The following CD8B2 variants were observed in gnomAD, a reference collection of about 807,000 sequenced individuals.
CD8B2 encodes the protein T-cell surface glycoprotein CD8 beta-2 chain.
A neutral mutation model predicts 23.7 loss-of-function variants in CD8B2; 11 were observed. That is an observed-to-expected ratio of 0.46 (90% confidence interval 0.29 to 0.77). The LOEUF (loss-of-function observed/expected upper bound fraction) is 0.77. Ranked by LOEUF, CD8B2 falls within the 30% of genes least tolerant of loss-of-function variation. The pLI is 0.09. For missense variants in CD8B2, 197 were observed against 270.5 expected, an observed-to-expected ratio of 0.73 and a Z score of 1.91; for synonymous variants, 90 against 109.3, an observed-to-expected ratio of 0.82 and a Z score of 1.10.
At chr2:106,528,996 T>C (rs1679954162) in intron 5 of CD8B2, among the ~76,000 whole-genome samples, 1 of 151,976 alleles carries the variant, frequency 6.6e-6, no homozygotes, top group Non-Finnish European at 1.5e-5. Flanking sequence ...CTGGCAAGGG[T>C]AGAGTGATTT....
chr2:106,505,352 A>G (rs1278419358), intron 5 of CD8B2, among the ~76,000 whole-genome samples: 1 of 152,218 alleles, frequency 6.6e-6, no homozygotes, highest in African/African-American at 2.4e-5. Flanking sequence ...AGGTGGAGAC[A>G]GGGCTGGGTT....
chr2:106,490,461 A>C (rs1183894460), intron 1 of CD8B2, among the ~76,000 whole-genome samples: 2 of 152,172 alleles, frequency 1.3e-5, no homozygotes, highest in African/African-American at 4.8e-5. Flanking sequence ...CAGGAGGTCA[A>C]GGCTGAAGTG....
intron 5 of CD8B2, among the ~76,000 whole-genome samples, chr2:106,505,018 GCCTGTACTTAC>G (rs1679478849): frequency 6.6e-6 from 1 of 152,162 alleles, no homozygotes; most frequent in South Asian, 2.1e-4. Context: ...CTGAGAAAGC[GCCTGTACTTAC>G]CCTGGGCTGG....
At chr2:106,520,850 A>C (rs1269100036) in intron 5 of CD8B2, among the ~76,000 whole-genome samples, 1 of 152,148 alleles carries the variant, frequency 6.6e-6, no homozygotes, top group Non-Finnish European at 1.5e-5. Context: ...AGCCTGGGCG[A>C]GAGCGTGAGA....
chr2:106,532,098 C>T (rs1679996064), intron 5 of CD8B2, among the ~76,000 whole-genome samples: 1 of 152,222 alleles, frequency 6.6e-6, no homozygotes, highest in South Asian at 2.1e-4. Context: ...ACATTTTGTT[C>T]CAGCACAGTT....
In CD8B2 at chr2:106,502,545, G is replaced by T. The variant is rs1237524116; in HGVS notation, c.565G>T (p.Val189Leu). 11 of 1,575,040 alleles carry T rather than the reference G, an allele frequency of 7.0e-6. No individual in the cohort carries two copies. Among genetic ancestry groups the T allele is most frequent in the Non-Finnish European group, 8.6e-6 (10 of 1,158,136 alleles). Residue 189 changes from valine to leucine, a missense_variant, in exon 4 of 6, where the codon GTG (valine) becomes TTG (leucine). Physicochemically the swap from Val to Leu is conservative, Grantham distance 32. Transcript: ENST00000643224. Reference protein sequence around the residue: ...GVLVLLVSLGVAMHLCCRRRR... With the variant: ...GVLVLLVSLGLAMHLCCRRRR... ...CCTGGTTCTGCTGGTTTCCCTGGGAGTGGCCATGCACCTGTGCTGTGAGTT... is the reference window on the plus strand; with the variant it reads ...CCTGGTTCTGCTGGTTTCCCTGGGATTGGCCATGCACCTGTGCTGTGAGTT...
At chr2:106,520,165 AT>A (rs1679801970) in intron 5 of CD8B2, among the ~76,000 whole-genome samples, 1 of 152,188 alleles carries the variant, frequency 6.6e-6, no homozygotes, top group Non-Finnish European at 1.5e-5. Flanking sequence ...TTCATTCTTC[AT>A]TTTATAGTTC....
Position 106,491,152 on chromosome 2 carries a change from C to A in CD8B2, c.322C>A (p.Pro108Thr). The change falls in exon 2 of 6, where the codon CCG (proline) becomes ACG (threonine). Residue 108 changes from proline (P) to threonine (T), a missense_variant. Coordinates refer to ENST00000643224, the MANE Select transcript of CD8B2 (RefSeq NM_001349727.2). ...RFILNLTSVKPEDSGIYFCMI... is the reference protein window; with the variant it reads ...RFILNLTSVKTEDSGIYFCMI... ...CATTCTCAATCTCACAAGCGTGAAG[C>A]CGGAGGACAGTGGCATCTACTTCTG... 1 of 1,613,978 alleles carries A rather than the reference C, an allele frequency of 6.2e-7. No homozygotes were observed. Among genetic ancestry groups the A allele is most frequent in the Non-Finnish European group, 8.5e-7 (1 of 1,179,838 alleles).
intron 5 of CD8B2, among the ~76,000 whole-genome samples, chr2:106,536,989 A>G (rs1233956675): frequency 6.6e-6 from 1 of 152,192 alleles, no homozygotes; most frequent in African/African-American, 2.4e-5. Flanking sequence ...TCTCAGAAGA[A>G]CAAGTTGCTG....
rs1473677686 is a variant in CD8B2, at chr2:106,493,448, A to T, written c.403+2215A>T. 2.0e-5 allele frequency among the ~76,000 whole-genome samples: 3 copies of T among 152,178 alleles called. No individual in the cohort carries two copies. In the East Asian group the frequency reaches 5.8e-4, roughly 29 times the overall value. ...TAGACCCAGGCGGCGGTGCCCAGCC[A>T]AGGCACTGAGGGCCCAAAGAGTTGG... is the stretch of plus-strand genomic sequence containing the variant. On this transcript the variant is annotated intron_variant, in intron 2 of 5. Transcript: ENST00000643224.
At chr2:106,538,812 C>T (rs1680130798) in intron 5 of CD8B2, among the ~76,000 whole-genome samples, 1 of 152,138 alleles carries the variant, frequency 6.6e-6, no homozygotes, top group Non-Finnish European at 1.5e-5. Context: ...CACCCTTCCA[C>T]ACTGCCTCAA....
intron 5 of CD8B2, among the ~76,000 whole-genome samples, chr2:106,523,679 C>A (rs1679863187): frequency 6.6e-6 from 1 of 152,170 alleles, no homozygotes; most frequent in African/African-American, 2.4e-5. Flanking sequence ...ATCCCTGAGA[C>A]AATGAATATT....
intron 5 of CD8B2, among the ~76,000 whole-genome samples, chr2:106,523,646 G>A (rs1308581864): frequency 6.6e-6 from 1 of 152,194 alleles, no homozygotes; most frequent in Non-Finnish European, 1.5e-5. Flanking sequence ...TCTAGGTCCT[G>A]TTGCTCACTG....
chr2:106,505,693 A>C (rs112110846), intron 5 of CD8B2, among the ~76,000 whole-genome samples: 4,842 of 152,330 alleles, frequency 0.032, 98 homozygotes, highest in African/African-American at 0.039. Context: ...AGAGTGGCTT[A>C]AACATGCCTG....
intron 3 of CD8B2, among the ~76,000 whole-genome samples, chr2:106,497,084 T>G (rs1282466699): frequency 6.6e-6 from 1 of 152,178 alleles, no homozygotes; most frequent in African/African-American, 2.4e-5. Context: ...GAGACCAGCC[T>G]GGGCAACACG....
At chr2:106,489,781 C>T (rs1238614173) in intron 1 of CD8B2, among the ~76,000 whole-genome samples, 1 of 152,126 alleles carries the variant, frequency 6.6e-6, no homozygotes, top group East Asian at 1.9e-4. Flanking sequence ...TTTTGGACAG[C>T]ATTTCATTTA....
At chr2:106,517,104 T>C (rs1679741269) in intron 5 of CD8B2, among the ~76,000 whole-genome samples, 1 of 151,544 alleles carries the variant, frequency 6.6e-6, no homozygotes, top group East Asian at 1.9e-4. Flanking sequence ...TATTCATTTA[T>C]TACTCAAATT....
At chr2:106,504,216 C>T in intron 4 of CD8B2, 73 bp from the exon 5 acceptor site, 1 of 1,548,118 alleles carries the variant, frequency 6.5e-7, no homozygotes, top group Non-Finnish European at 8.7e-7. Flanking sequence ...TGTGACAATC[C>T]TCCTTGGCCT....
At chr2:106,533,331 G>A (rs1573351627) in intron 5 of CD8B2, among the ~76,000 whole-genome samples, 1 of 152,342 alleles carries the variant, frequency 6.6e-6, no homozygotes, top group South Asian at 2.1e-4. Flanking sequence ...GAGCCCTTTT[G>A]CAGCCACTGG....
Sources: allele counts gnomAD v4.1 joint callset (sites outside exome capture counted in the v4.1 genomes callset), GRCh38; gene constraint gnomAD v4.1.1; transcripts MANE v1.5; gene names NCBI Gene and HGNC (gene_info 2026-07-23, HGNC 2026-07-21).